The following MAGED1 variants were observed in gnomAD, a reference collection of about 807,000 sequenced individuals.
MAGED1 encodes melanoma-associated antigen D1.
A neutral mutation model predicts 54.1 loss-of-function variants in MAGED1; 3 were observed. The observed-to-expected ratio is 0.06, with a 90% CI of 0.03 to 0.14. MAGED1 has a LOEUF of 0.14. MAGED1 is among the 10% of genes least tolerant of loss of function. The probability of loss-of-function intolerance (pLI) is 1.00; values close to 1 mark genes in which losing one functional copy is unlikely to be tolerated. For synonymous variants in MAGED1, 217 were observed against 227.3 expected (o/e 0.95, Z 0.41); for missense variants, 485 against 623.4 (o/e 0.78, Z 2.36).
At chrX:51,837,348 C>T (rs1447425017) in intron 1 of MAGED1, among the ~76,000 whole-genome samples, 1 of 111,496 alleles carries the variant, frequency 9.0e-6, no homozygotes, top group African/African-American at 3.3e-5. Flanking sequence ...TTATTCATTT[C>T]TAATCCTTAC....
intron 1 of MAGED1, among the ~76,000 whole-genome samples, chrX:51,866,369 G>GA (rs782614374): frequency 1.8e-5 from 2 of 111,908 alleles, no homozygotes; most frequent in African/African-American, 6.5e-5. Flanking sequence ...TGTTACTATG[G>GA]AAACGAGGTC....
chrX:51,862,080 T>C (rs1223826802), intron 1 of MAGED1, among the ~76,000 whole-genome samples: 1 of 112,107 alleles, frequency 8.9e-6, no homozygotes, highest in African/African-American at 3.2e-5. Context: ...GTCTGGGCTG[T>C]TTTCAATCCT....
At chrX:51,827,820 C>G (rs2065650507) in intron 1 of MAGED1, among the ~76,000 whole-genome samples, 1 of 112,015 alleles carries the variant, frequency 8.9e-6, no homozygotes, top group East Asian at 2.8e-4. Flanking sequence ...CAAAAAAAAT[C>G]TGTGATTGTA....
chrX:51,860,040 C>A (rs1927225615), intron 1 of MAGED1, among the ~76,000 whole-genome samples: 1 of 111,421 alleles, frequency 9.0e-6, no homozygotes. Flanking sequence ...CCGAGGCGGG[C>A]AGATCATTTG....
At chrX:51,849,461 CAG>C (rs1279678210) in intron 1 of MAGED1, among the ~76,000 whole-genome samples, 1 of 111,804 alleles carries the variant, frequency 8.9e-6, no homozygotes, top group Non-Finnish European at 1.9e-5. Context: ...AGATTAGAGA[CAG>C]AACTGGCATC....
chrX:51,844,576 C>T (rs782546060), intron 1 of MAGED1, among the ~76,000 whole-genome samples: 3 of 112,033 alleles, frequency 2.7e-5, no homozygotes, highest in Non-Finnish European at 5.6e-5. Context: ...AGTGTGGCAT[C>T]TTCTCTTCTC....
At chrX:51,813,419 A>G (rs554859086) in intron 1 of MAGED1, among the ~76,000 whole-genome samples, 2 of 111,422 alleles carry the variant, frequency 1.8e-5, no homozygotes, top group East Asian at 5.6e-4. Flanking sequence ...CATCCTTTGG[A>G]GCTAGCAAGA....
intron 1 of MAGED1, among the ~76,000 whole-genome samples, chrX:51,884,235 A>C (rs1448943427): frequency 2.7e-5 from 3 of 111,173 alleles, no homozygotes; most frequent in African/African-American, 9.8e-5. Context: ...AGCTTAAGAC[A>C]GAACAAAAAA....
Position 51,900,241 on chromosome X carries a change from G to A in MAGED1, c.1904G>A (p.Gly635Asp), listed in dbSNP as rs782812478. ...SNPPEYEFLW[G>D]LRSYHETSKM... ...CCCCCGGAGTATGAGTTCCTCTGGG[G>A]CCTCCGTTCCTACCATGAGACTAGC... Residue 635 changes from glycine (G) to aspartate (D), a missense_variant, in exon 11 of 13, where the codon GGC (glycine) becomes GAC (aspartate). Coordinates refer to ENST00000326587, the MANE Select transcript of MAGED1 (RefSeq NM_006986.4). 8.3e-7 allele frequency: 1 copy of A among 1,208,030 alleles called. No homozygotes were observed. The highest frequency in any genetic ancestry group is 1.1e-6 in the Non-Finnish European group (1 of 894,217).
At chrX:51,864,582 A>G (rs1045394210) in intron 1 of MAGED1, among the ~76,000 whole-genome samples, 2 of 111,906 alleles carry the variant, frequency 1.8e-5, no homozygotes, top group East Asian at 5.6e-4. Context: ...CTTCCAATCC[A>G]TGAACACAGA....
At chrX:51,894,663 C>T (rs1557363934) in intron 2 of MAGED1, 2 of 1,190,386 alleles carry the variant, frequency 1.7e-6, no homozygotes, top group Admixed American at 2.4e-5. Flanking sequence ...TCACCCCCTC[C>T]CCCAGCCTCC....
chrX:51,895,537 C>G lies in MAGED1; in HGVS notation c.530C>G (p.Pro177Arg). 1.7e-6 allele frequency: 2 copies of G among 1,211,426 alleles called. No homozygotes were observed. The highest frequency in any genetic ancestry group is 2.2e-6 in the Non-Finnish European group (2 of 895,314). ...LNANDLANSRPKTPFKAWNDT... is the reference protein window; with the variant it reads ...LNANDLANSRRKTPFKAWNDT... The stretch of plus-strand genomic sequence containing the variant: ...GCCAATGACCTGGCCAACAGCAGGC[C>G]TAAGACCCCTTTCAAGGCTTGGAAT... The change falls in exon 3 of 13, where the codon CCT becomes CGT. Residue 177 changes from proline to arginine, a missense_variant. Physicochemically the swap from Pro to Arg is moderately radical, Grantham distance 103. This residue lies in a region of MAGED1 where 299 missense variants were observed against 293.1 expected (regional missense o/e 1.02). Coordinates refer to ENST00000326587, the MANE Select transcript of MAGED1 (RefSeq NM_006986.4).
chrX:51,885,846 T>A (rs572772932), intron 1 of MAGED1, among the ~76,000 whole-genome samples: 2 of 110,830 alleles, frequency 1.8e-5, no homozygotes, highest in South Asian at 7.7e-4. Context: ...TGTAGCACTA[T>A]TCACAATGCC....
chrX:51,892,188 T>A (rs1928463671), upstream of MAGED1, among the ~76,000 whole-genome samples: 1 of 112,927 alleles, frequency 8.9e-6, no homozygotes, highest in Admixed American at 9.3e-5. Context: ...TTTTCTGCCT[T>A]TTTGAGTTTC....
At chrX:51,857,247 T>C (rs1927117943) in intron 1 of MAGED1, 1 of 111,911 alleles carries the variant, frequency 8.9e-6, no homozygotes, top group African/African-American at 3.2e-5. Flanking sequence ...AGAAATTTCA[T>C]AGGGTAGAAA....
chrX:51,821,690 C>A (rs1481553687), intron 1 of MAGED1, among the ~76,000 whole-genome samples: 1 of 111,781 alleles, frequency 8.9e-6, no homozygotes, highest in Non-Finnish European at 1.9e-5. Context: ...GTGCCTGGGC[C>A]TGATCTTTAA....
chrX:51,833,873 A>G (rs533204304), intron 1 of MAGED1, among the ~76,000 whole-genome samples: 5 of 111,761 alleles, frequency 4.5e-5, no homozygotes, highest in African/African-American at 1.3e-4. Context: ...AGCCCCCTGT[A>G]TGAACCCCCA....
chrX:51,816,305 G>A (rs1925420313), intron 1 of MAGED1, among the ~76,000 whole-genome samples: 1 of 110,650 alleles, frequency 9.0e-6, no homozygotes, highest in African/African-American at 3.3e-5. Context: ...AATAGAGATG[G>A]GGTTTCACCA....
intron 10 of MAGED1, 23 bp from the exon 11 acceptor site, chrX:51,900,159 C>A: frequency 9.5e-7 from 1 of 1,047,385 alleles, no homozygotes; most frequent in Non-Finnish European, 1.3e-6. Flanking sequence ...TAGGTAGACA[C>A]AAAGACTGTT....
Sources: gnomAD v4.1 joint callset for allele counts (sites outside exome capture counted in the v4.1 genomes callset) on GRCh38, gnomAD v4.1.1 for gene constraint, gnomAD v4.1.1 regional missense constraint, MANE v1.5 for transcripts, NCBI Gene and HGNC (gene_info 2026-07-23, HGNC 2026-07-21) for gene names.